Variants in AFG2A observed in about 807,000 individuals in gnomAD.
The protein encoded by AFG2A is AAA ATPase AFG2A, also known as ATPase family gene 2 protein homolog A.
chr4:123,095,829 C>T, the AFG2A span, among the ~76,000 whole-genome samples: 1 of 152,080 alleles, frequency 6.6e-6, no homozygotes, highest in African/African-American at 2.4e-5. Context: ...CTTGTTGCCT[C>T]TTACCCCACA....
the AFG2A span, among the ~76,000 whole-genome samples, chr4:123,137,594 G>A: frequency 6.6e-6 from 1 of 152,066 alleles, no homozygotes; most frequent in African/African-American, 2.4e-5. Flanking sequence ...TTTTATTACA[G>A]TTGACTTTCA....
chr4:123,228,965 A>C, the AFG2A span, among the ~76,000 whole-genome samples: 1 of 152,020 alleles, frequency 6.6e-6, no homozygotes, highest in Non-Finnish European at 1.5e-5. Context: ...GAATGGAATC[A>C]TGAACAATAC....
chr4:123,215,207 G>T, the AFG2A span, among the ~76,000 whole-genome samples: 1 of 151,944 alleles, frequency 6.6e-6, no homozygotes, highest in African/African-American at 2.4e-5. Context: ...TTTAAACCCA[G>T]TCTAGAGCTG....
chr4:123,004,917 GT>G, the AFG2A span, among the ~76,000 whole-genome samples: 1 of 151,602 alleles, frequency 6.6e-6, no homozygotes, highest in Non-Finnish European at 1.5e-5. Flanking sequence ...CAGATTATCT[GT>G]TTTTTTTCTC....
At chr4:123,138,760 T>G in the AFG2A span, among the ~76,000 whole-genome samples, 2 of 152,160 alleles carry the variant, frequency 1.3e-5, no homozygotes, top group African/African-American at 4.8e-5. Context: ...TTTATAGGTC[T>G]TCAAGCCCAG....
chr4:123,315,927 C>A, the AFG2A span: 1 of 152,222 alleles, frequency 6.6e-6, no homozygotes, highest in Non-Finnish European at 1.5e-5. Context: ...AACAGGTGCA[C>A]ACTGCCATGT....
chr4:123,084,655 G>A, the AFG2A span, among the ~76,000 whole-genome samples: 38 of 151,656 alleles, frequency 2.5e-4, no homozygotes, highest in Admixed American at 2.0e-3. Flanking sequence ...CAGAGACAGG[G>A]TCTTGCTCTG....
At chr4:123,053,516 A>G in the AFG2A span, among the ~76,000 whole-genome samples, 3 of 152,190 alleles carry the variant, frequency 2.0e-5, no homozygotes, top group Admixed American at 6.5e-5. Flanking sequence ...TTATTTGCTC[A>G]TATCAGCATG....
the AFG2A span, among the ~76,000 whole-genome samples, chr4:123,038,207 C>G: frequency 2.0e-5 from 3 of 151,816 alleles, no homozygotes; most frequent in Admixed American, 6.6e-5. Flanking sequence ...GGACAAATTA[C>G]TTCACCTCTT....
the AFG2A span, among the ~76,000 whole-genome samples, chr4:123,155,815 GTAT>G: frequency 6.6e-6 from 1 of 152,132 alleles, no homozygotes; most frequent in Non-Finnish European, 1.5e-5. Context: ...CCAGAGAATA[GTAT>G]TTTATTTTTT....
chr4:123,059,374 A>G, the AFG2A span, among the ~76,000 whole-genome samples: 5 of 139,798 alleles, frequency 3.6e-5, no homozygotes, highest in African/African-American at 5.3e-5. Flanking sequence ...TCATTGTTCA[A>G]TTCCCACCTA....
chr4:122,976,239 A>G, the AFG2A span, among the ~76,000 whole-genome samples: 1 of 152,218 alleles, frequency 6.6e-6, no homozygotes, highest in Non-Finnish European at 1.5e-5. Context: ...ATTTTATTAA[A>G]CACTCTTAAC....
At chr4:123,210,594 G>T in the AFG2A span, among the ~76,000 whole-genome samples, 1 of 152,016 alleles carries the variant, frequency 6.6e-6, no homozygotes, top group African/African-American at 2.4e-5. Flanking sequence ...GTTGATGGAC[G>T]CTTAGGTTGA....
chr4:123,201,292 T>C, the AFG2A span, among the ~76,000 whole-genome samples: 5 of 152,224 alleles, frequency 3.3e-5, no homozygotes, highest in African/African-American at 1.2e-4. Context: ...TAAGAGTCTT[T>C]ATGGCTTAAC....
chr4:123,140,707 A>G, the AFG2A span, among the ~76,000 whole-genome samples: 1 of 152,106 alleles, frequency 6.6e-6, no homozygotes, highest in African/African-American at 2.4e-5. Context: ...ACTAATTTTT[A>G]TATTCATGGT....
At chr4:122,929,040 G>C in the AFG2A span, 1 of 1,612,982 alleles carries the variant, frequency 6.2e-7, no homozygotes, top group East Asian at 2.2e-5. Flanking sequence ...TGTCTGGCAG[G>C]TGTATACAGC....
At chr4:123,028,150 G>T in the AFG2A span, 6,278 of 1,573,822 alleles carry the variant, frequency 4.0e-3, 359 homozygotes, top group Admixed American at 0.1. Flanking sequence ...GTTTGTCCTG[G>T]CAAAACTTAT....
chr4:123,152,146 G>A, the AFG2A span, among the ~76,000 whole-genome samples: 12 of 152,150 alleles, frequency 7.9e-5, no homozygotes, highest in African/African-American at 2.9e-4. Context: ...GGTGGGAAAG[G>A]GGAGGGATAA....
At chr4:123,264,099 G>A in the AFG2A span, among the ~76,000 whole-genome samples, 1 of 152,146 alleles carries the variant, frequency 6.6e-6, no homozygotes, top group East Asian at 1.9e-4. Flanking sequence ...TCTAAGTGAA[G>A]TAACTCAGAA....
Sources: gnomAD v4.1 joint callset for allele counts (sites outside exome capture counted in the v4.1 genomes callset) on GRCh38, gnomAD v4.1.1 for gene constraint, MANE v1.5 for transcripts, NCBI Gene and HGNC (gene_info 2026-07-23, HGNC 2026-07-21) for gene names.